Variants in DSCAM observed in about 807,000 individuals in gnomAD.
DSCAM encodes DS cell adhesion molecule.
In DSCAM, 47 loss-of-function variants were observed where a neutral mutation model predicts 217.7. That is an observed-to-expected ratio of 0.22 (90% CI 0.17 to 0.28). DSCAM has a LOEUF of 0.28. Among genes scored for constraint, DSCAM ranks in the 10% least tolerant of loss-of-function variants. The probability of loss-of-function intolerance (pLI) is 1.00; values close to 1 mark genes in which losing one functional copy is unlikely to be tolerated. For missense variants in DSCAM, 2,080 were observed against 2,618.3 expected (o/e 0.79, Z 4.49); for synonymous variants, 1,056 against 1,015.3 (o/e 1.04, Z -0.76).
chr21:40,687,150 T>C (rs2090488413), intron 3 of DSCAM, among the ~76,000 whole-genome samples: 2 of 152,160 alleles, frequency 1.3e-5, no homozygotes, highest in South Asian at 4.2e-4. Flanking sequence ...GATAGCTAGG[T>C]AGATGATAAC....
chr21:40,033,489 C>G (rs918535611), intron 32 of DSCAM, among the ~76,000 whole-genome samples: 1 of 152,022 alleles, frequency 6.6e-6, no homozygotes, highest in Non-Finnish European at 1.5e-5. Context: ...CGGCGCACCA[C>G]GAGACTATAT....
rs925572868 is a variant in DSCAM, at chr21:40,324,228, G to GA, written c.1784-11870dup. Among the ~76,000 whole-genome samples, 7 of 150,818 alleles carry GA rather than the reference G, an allele frequency of 4.6e-5. No homozygotes were observed. The East Asian group carries it at 1.2e-3, about 25-fold the overall frequency. On this transcript the variant is annotated intron_variant, in intron 8 of 32. Transcript: ENST00000400454. ...AAATTATCAAGTAAGTCCATGGGAG[G>GA]AAAAAAATAATTAAAATGTTTTAGG...
intron 3 of DSCAM, among the ~76,000 whole-genome samples, chr21:40,466,227 C>G (rs934846358): frequency 1.3e-5 from 2 of 152,180 alleles, no homozygotes; most frequent in Non-Finnish European, 2.9e-5. Context: ...ACATCTACCC[C>G]TCCTAGAACT....
At chr21:40,682,317 T>C (rs1441582824) in intron 3 of DSCAM, among the ~76,000 whole-genome samples, 2 of 151,958 alleles carry the variant, frequency 1.3e-5, no homozygotes, top group Non-Finnish European at 2.9e-5. Flanking sequence ...GTGGATGGGA[T>C]TGGACTTTTA....
intron 1 of DSCAM, among the ~76,000 whole-genome samples, chr21:40,750,047 C>A (rs187654228): frequency 1.6e-4 from 25 of 152,182 alleles, no homozygotes; most frequent in African/African-American, 5.3e-4. Flanking sequence ...CCTGCCTCAG[C>A]CTCCTGAGTA....
At chr21:40,552,183 G>A (rs1474483303) in intron 3 of DSCAM, among the ~76,000 whole-genome samples, 9 of 152,122 alleles carry the variant, frequency 5.9e-5, no homozygotes, top group African/African-American at 1.2e-4. Context: ...GCATGGTGGC[G>A]TGTGCCTGTA....
intron 8 of DSCAM, among the ~76,000 whole-genome samples, chr21:40,330,292 T>C (rs1251773173): frequency 1.4e-5 from 2 of 147,572 alleles, no homozygotes; most frequent in African/African-American, 4.9e-5. Flanking sequence ...TTATATTATA[T>C]GCATATATTT....
chr21:40,340,011 G>A (rs74918773), intron 6 of DSCAM, among the ~76,000 whole-genome samples: 32,801 of 152,034 alleles, frequency 0.22, 4,596 homozygotes, highest in Non-Finnish European at 0.29. Flanking sequence ...AATAGTAATT[G>A]CATGCAAACT....
chr21:40,072,103 T>C (rs2146538352), intron 27 of DSCAM, among the ~76,000 whole-genome samples: 1 of 152,294 alleles, frequency 6.6e-6, no homozygotes, highest in Middle Eastern at 3.4e-3. Context: ...ACCTTTATAG[T>C]TCTGAGTCTT....
chr21:40,775,116 A>C (rs900314653), intron 1 of DSCAM, among the ~76,000 whole-genome samples: 1 of 152,152 alleles, frequency 6.6e-6, no homozygotes, highest in Non-Finnish European at 1.5e-5. Context: ...GAAAGATTGA[A>C]ATCCCTAAAG....
intron 1 of DSCAM, among the ~76,000 whole-genome samples, chr21:40,813,336 CAG>C (rs773697350): frequency 2.6e-5 from 4 of 152,238 alleles, no homozygotes; most frequent in East Asian, 1.9e-4. Flanking sequence ...TATATGAAGA[CAG>C]GGGTATTATT....
chr21:40,737,969 T>A (rs1043481965), intron 1 of DSCAM, among the ~76,000 whole-genome samples: 6 of 152,190 alleles, frequency 3.9e-5, no homozygotes, highest in Non-Finnish European at 8.8e-5. Flanking sequence ...GACCACACTT[T>A]AGTCTGAGAG....
chr21:40,119,838 C>T (rs1012971119), intron 20 of DSCAM, among the ~76,000 whole-genome samples: 2 of 151,720 alleles, frequency 1.3e-5, no homozygotes, highest in South Asian at 2.1e-4. Context: ...ATGAACACAG[C>T]GATGAGTATC....
At chr21:40,790,213 G>T (rs1196873815) in intron 1 of DSCAM, among the ~76,000 whole-genome samples, 2 of 132,518 alleles carry the variant, frequency 1.5e-5, no homozygotes, top group Non-Finnish European at 3.1e-5. Context: ...ATGGAGTCTC[G>T]CTCTGTCTCC....
At chr21:40,152,999 A>G (rs1255765437) in intron 16 of DSCAM, among the ~76,000 whole-genome samples, 3 of 152,248 alleles carry the variant, frequency 2.0e-5, no homozygotes, top group Non-Finnish European at 2.9e-5. Context: ...AGGCATGCTG[A>G]ATAATTTAGT....
chr21:40,073,595 C>T (rs1310445630), intron 27 of DSCAM, among the ~76,000 whole-genome samples: 2 of 152,202 alleles, frequency 1.3e-5, no homozygotes, highest in African/African-American at 4.8e-5. Flanking sequence ...TTCTGTTTTA[C>T]TTAGCACTGA....
In DSCAM at chr21:40,434,088, T is replaced by G. The variant is rs147542474; in HGVS notation, c.509-64843A>C. 1.7e-4 allele frequency among the ~76,000 whole-genome samples: 26 copies of G among 152,314 alleles called. No homozygotes were observed. The East Asian group carries it at 5.0e-3, about 29-fold the overall frequency. On this transcript the variant is annotated intron_variant, in intron 3 of 32. Coordinates refer to ENST00000400454, the MANE Select transcript of DSCAM (RefSeq NM_001389.5). ...ATTCTGGCCCTCGCATGGCTGCCTG[T>G]CCTAATGCAGTTCCACAACTTTCCT...
At position 40,267,013 on chromosome 21, in the gene DSCAM, G is replaced by A. The variant is rs372865490; in HGVS notation, c.2356+9084C>T. Among the ~76,000 whole-genome samples the A allele has an allele frequency of 1.2e-4, 18 of 148,884 alleles. No homozygotes were observed. The East Asian group carries it at 2.4e-3, about 20-fold the overall frequency. Reference sequence around the variant, plus strand: ...GCATACAGAGTGCTATAACGGACTCGGGAGACTCAGAAGTGGGGAGGGTGG... The same window carrying A: ...GCATACAGAGTGCTATAACGGACTCAGGAGACTCAGAAGTGGGGAGGGTGG... On this transcript the variant is annotated intron_variant, in intron 11 of 32. Transcript: ENST00000400454.
rs72114529 is a variant in DSCAM at position 40,637,632 on chromosome 21, A to AATATATATAG, written c.508+55177_508+55178insCTATATATAT. Among the ~76,000 whole-genome samples the AATATATATAG allele has an allele frequency of 7.5e-3, 318 of 42,214 alleles. 14 individuals carry two copies. Among genetic ancestry groups the AATATATATAG allele is most frequent in the African/African-American group, 0.029 (308 of 10,604 alleles). 27.7% of individuals were successfully genotyped at this position (42,214 alleles called of 152,430 possible). A position where few individuals can be genotyped will look rare whatever the true frequency, so the allele number is the denominator to read the frequency against. Reference sequence around the variant, plus strand: ...ATATATATAAATATATACATATATAAATATATATAAATATATATCTATATA... The same window carrying AATATATATAG: ...ATATATATAAATATATACATATATAAATATATATAGATATATATAAATATATATCTATATA... On this transcript the variant is annotated intron_variant, in intron 3 of 32. Transcript: ENST00000400454.
Sources: gnomAD v4.1 joint callset for allele counts (sites outside exome capture counted in the v4.1 genomes callset) on GRCh38, gnomAD v4.1.1 for gene constraint, MANE v1.5 for transcripts, NCBI Gene and HGNC (gene_info 2026-07-23, HGNC 2026-07-21) for gene names.